Variants in SOX6 observed in about 807,000 individuals in gnomAD.
SOX6 encodes the protein transcription factor SOX-6.
In SOX6, 11 loss-of-function variants were observed where a neutral mutation model predicts 97.8. That is an observed-to-expected ratio of 0.11 (90% CI 0.07 to 0.19). The LOEUF (loss-of-function observed/expected upper bound fraction) is 0.19, where lower values mean the gene tolerates loss of function less well. SOX6 is among the 10% of genes least tolerant of loss of function. SOX6 has a pLI of 1.00. For missense variants in SOX6, 810 were observed against 1,039.5 expected (o/e 0.78, Z 3.04); for synonymous variants, 360 against 371.4 (o/e 0.97, Z 0.35).
intron 1 of SOX6, among the ~76,000 whole-genome samples, chr11:16,404,365 C>T (rs1858636230): frequency 6.6e-6 from 1 of 151,846 alleles, no homozygotes; most frequent in Non-Finnish European, 1.5e-5. Context: ...AGAAAGCCCT[C>T]ACCACGGGAA....
rs188548040 is a variant in SOX6, at chr11:16,170,376, A to C, written c.777+13510T>G. ...AGCTACTTAGTCTTAAAAAAAAAAA[A>C]CCTTTCTATCATTCATTTTTTTCAG... is the stretch of plus-strand genomic sequence containing the variant. On this transcript the variant is annotated intron_variant, in intron 6 of 15. Transcript: ENST00000683767. 7.5e-3 allele frequency among the ~76,000 whole-genome samples: 1,143 copies of C among 151,954 alleles called. 16 individuals carry two copies. The highest frequency in any genetic ancestry group is 0.026 in the African/African-American group (1,097 of 41,476).
At chr11:16,005,860 T>C (rs547803960) in intron 13 of SOX6, among the ~76,000 whole-genome samples, 1 of 152,174 alleles carries the variant, frequency 6.6e-6, no homozygotes, top group South Asian at 2.1e-4. Flanking sequence ...GTTTATAGTA[T>C]ACAGCAAATG....
At chr11:16,136,227 C>A (rs920607505) in intron 6 of SOX6, among the ~76,000 whole-genome samples, 2 of 151,932 alleles carry the variant, frequency 1.3e-5, no homozygotes, top group Non-Finnish European at 1.5e-5. Context: ...ACCATGTTGG[C>A]CAGGATGGTC....
intron 6 of SOX6, among the ~76,000 whole-genome samples, chr11:16,125,289 A>T (rs188021567): frequency 2.0e-5 from 3 of 152,230 alleles, no homozygotes; most frequent in East Asian, 3.9e-4. Context: ...AATTTTAGGC[A>T]TCAGAGCAGC....
chr11:16,526,076 C>A (rs918509331), intron 4 of SOX6, among the ~76,000 whole-genome samples: 1 of 152,066 alleles, frequency 6.6e-6, no homozygotes, highest in Admixed American at 6.6e-5. Flanking sequence ...GTCAGTGTGG[C>A]GATTCCTCAG....
At chr11:16,292,049 G>A (rs571791566) in intron 3 of SOX6, among the ~76,000 whole-genome samples, 45 of 152,066 alleles carry the variant, frequency 3.0e-4, no homozygotes, top group Non-Finnish European at 5.1e-4. Flanking sequence ...AATACAAAGT[G>A]AGAAATCTAT....
At chr11:16,562,598 A>T (rs1243922634) in intron 4 of SOX6, among the ~76,000 whole-genome samples, 3 of 152,076 alleles carry the variant, frequency 2.0e-5, no homozygotes, top group African/African-American at 7.2e-5. Context: ...GGCTTTAATG[A>T]GGTACCCAAT....
chr11:16,044,105 A>G (rs953913378), intron 12 of SOX6, among the ~76,000 whole-genome samples: 4 of 152,132 alleles, frequency 2.6e-5, no homozygotes, highest in Admixed American at 2.6e-4. Flanking sequence ...TATGCTGTAC[A>G]GGCTTTTGTC....
At chr11:16,540,941 T>G (rs991805943) in intron 4 of SOX6, among the ~76,000 whole-genome samples, 11 of 152,294 alleles carry the variant, frequency 7.2e-5, no homozygotes, top group South Asian at 2.1e-4. Flanking sequence ...AAGCTACCAA[T>G]GACTTTCTTC....
chr11:16,126,609 A>C (rs1590212486), intron 6 of SOX6, among the ~76,000 whole-genome samples: 1 of 152,138 alleles, frequency 6.6e-6, no homozygotes, highest in East Asian at 1.9e-4. Context: ...CTACAAACAC[A>C]TAATTTGTTT....
At chr11:16,293,774 T>C (rs1854985230) in intron 3 of SOX6, among the ~76,000 whole-genome samples, 1 of 152,036 alleles carries the variant, frequency 6.6e-6, no homozygotes, top group East Asian at 1.9e-4. Context: ...TCTACCTAAA[T>C]AGCCACTCTC....
Position 16,686,300 on chromosome 11 carries a change from A to C in SOX6, n.429+28530T>G, listed in dbSNP as rs74680714. 1.5e-3 allele frequency among the ~76,000 whole-genome samples: 232 copies of C among 152,314 alleles called. 6 individuals are homozygous for C. The East Asian group carries it at 0.035, about 23-fold the overall frequency. Reference sequence around the variant, plus strand: ...ACATGGCTAGGCCACAAATATTCCAAATCTTTATGCTCTGCTTCCCTTTTC... The same window carrying C: ...ACATGGCTAGGCCACAAATATTCCACATCTTTATGCTCTGCTTCCCTTTTC... On this transcript the variant is annotated intron_variant and non_coding_transcript_variant, in intron 3 of 5. Coordinates refer to the SOX6 transcript ENST00000524520.
At chr11:16,185,945 A>G (rs539248105) in intron 5 of SOX6, among the ~76,000 whole-genome samples, 1 of 152,272 alleles carries the variant, frequency 6.6e-6, no homozygotes, top group South Asian at 2.1e-4. Flanking sequence ...CTGAAAAGAT[A>G]ATTCCAGTAA....
At chr11:16,579,357 T>C (rs1322212843) in intron 4 of SOX6, among the ~76,000 whole-genome samples, 1 of 152,014 alleles carries the variant, frequency 6.6e-6, no homozygotes, top group Non-Finnish European at 1.5e-5. Flanking sequence ...AGTTTTTATA[T>C]ACGTATTCTC....
intron 3 of SOX6, among the ~76,000 whole-genome samples, chr11:16,703,909 C>T (rs1176030090): frequency 2.0e-5 from 3 of 152,140 alleles, no homozygotes; most frequent in African/African-American, 7.2e-5. Flanking sequence ...AGTGAAATGT[C>T]CTGTCTTACC....
chr11:15,975,613 G>T (rs903478727), intron 15 of SOX6, among the ~76,000 whole-genome samples: 2 of 152,182 alleles, frequency 1.3e-5, no homozygotes, highest in Non-Finnish European at 2.9e-5. Context: ...CTATATTTAG[G>T]TGTTTTTACA....
chr11:16,560,576 C>A lies in SOX6; in HGVS notation n.609+51505G>T, dbSNP rs777191079. Reference sequence around the variant, plus strand: ...GTTTATACGTACATATATGTTTATACGTACATATATGTTTATACGTACATG... The same window carrying A: ...GTTTATACGTACATATATGTTTATAAGTACATATATGTTTATACGTACATG... On this transcript the variant is annotated intron_variant and non_coding_transcript_variant, in intron 4 of 5. Transcript: ENST00000524520. Among the ~76,000 whole-genome samples, 10 of 113,426 alleles carry A rather than the reference C, an allele frequency of 8.8e-5. 1 individual carries two copies. Among genetic ancestry groups the A allele is most frequent in the African/African-American group, 2.9e-4 (9 of 30,860 alleles). The allele number at this position is 113,426 out of a possible 152,430, so 74.4% of individuals were successfully genotyped here. A position where few individuals can be genotyped will look rare whatever the true frequency, so the allele number is the denominator to read the frequency against.
At chr11:16,167,877 T>G (rs1850927351) in intron 6 of SOX6, among the ~76,000 whole-genome samples, 1 of 152,214 alleles carries the variant, frequency 6.6e-6, no homozygotes, top group Non-Finnish European at 1.5e-5. Context: ...GTAATTTTAC[T>G]TATCTATTTA....
intron 1 of SOX6, among the ~76,000 whole-genome samples, chr11:16,368,006 G>T (rs904664981): frequency 6.6e-6 from 1 of 151,986 alleles, no homozygotes; most frequent in African/African-American, 2.4e-5. Context: ...TCATTATTCA[G>T]GGACTTACTG....
Sources: gnomAD v4.1 joint callset for allele counts (sites outside exome capture counted in the v4.1 genomes callset) on GRCh38, gnomAD v4.1.1 for gene constraint, MANE v1.5 for transcripts, NCBI Gene and HGNC (gene_info 2026-07-23, HGNC 2026-07-21) for gene names.